The following SEH1L variants were observed in gnomAD, a reference collection of about 807,000 sequenced individuals.
SEH1L encodes the protein nucleoporin SEH1.
In SEH1L, 18 loss-of-function variants were observed where a neutral mutation model predicts 49.5. The ratio of observed to expected loss-of-function variants is 0.36; its 90% CI spans 0.25 to 0.54. SEH1L has a LOEUF of 0.54. Among genes scored for constraint, SEH1L ranks in the 20% least tolerant of loss-of-function variants. The probability of loss-of-function intolerance (pLI) is 0.87; values close to 1 mark genes in which losing one functional copy is unlikely to be tolerated. For missense variants in SEH1L, 404 were observed against 528.8 expected (o/e 0.76, Z 2.31); for synonymous variants, 169 against 178.1 (o/e 0.95, Z 0.41).
At chr18:12,954,505 C>T (rs918542377) in intron 2 of SEH1L, among the ~76,000 whole-genome samples, 4 of 152,160 alleles carry the variant, frequency 2.6e-5, no homozygotes, top group African/African-American at 7.2e-5. Flanking sequence ...CTTGCTCTGT[C>T]ACCCAGGCTG....
chr18:12,976,055 T>G (rs566549806), intron 5 of SEH1L: 1 of 166,146 alleles, frequency 6.0e-6, no homozygotes, highest in East Asian at 1.9e-4. Context: ...CTGAGATTAG[T>G]TGTCTATTGC....
intron 8 of SEH1L, 114 bp from the exon 9 acceptor site, chr18:12,986,748 T>C (rs1317203825): frequency 3.3e-6 from 4 of 1,212,918 alleles, no homozygotes; most frequent in Non-Finnish European, 4.1e-6. Context: ...TTTTCTAGCA[T>C]GTGTTTTCTC....
intron 5 of SEH1L, chr18:12,977,787 C>T (rs928171091): frequency 1.3e-5 from 2 of 152,182 alleles, no homozygotes; most frequent in Admixed American, 1.3e-4. Flanking sequence ...ATGTGTTACT[C>T]TTTTCCTAAG....
At chr18:12,980,413 C>CG (rs1358969154) in intron 6 of SEH1L, among the ~76,000 whole-genome samples, 1 of 97,092 alleles carries the variant, frequency 1.0e-5, no homozygotes, top group East Asian at 4.5e-4. Flanking sequence ...GCTGGCCGGG[C>CG]GGGGGGCTGA....
intron 1 of SEH1L, chr18:12,948,722 G>A (rs2030284783): frequency 6.5e-6 from 1 of 153,914 alleles, no homozygotes; most frequent in South Asian, 2.0e-4. Context: ...TTGTTACGCC[G>A]AGGAAGAAAA....
intron 8 of SEH1L, chr18:12,985,344 C>T (rs1367590825): frequency 9.0e-6 from 14 of 1,548,044 alleles, no homozygotes; most frequent in Non-Finnish European, 1.1e-5. Context: ...TCCCCAGCGC[C>T]GTTTGACCTC....
intron 3 of SEH1L, among the ~76,000 whole-genome samples, chr18:12,958,833 G>A (rs1467251451): frequency 6.6e-6 from 1 of 152,210 alleles, no homozygotes; most frequent in African/African-American, 2.4e-5. Flanking sequence ...AAATGTTTGA[G>A]ACCGTGCTTT....
chr18:12,948,351 C>T (rs1186248169), intron 1 of SEH1L, 119 bp downstream of exon 1: 3 of 743,688 alleles, frequency 4.0e-6, no homozygotes, highest in Admixed American at 2.2e-5. Context: ...TGTGGGGTGG[C>T]GGGCGAGCCC....
Position 12,986,979 on chromosome 18 carries a change from C to T in SEH1L, c.1188C>T (p.Ala396=), listed in dbSNP as rs754080928. 31 of 1,613,864 alleles carry T rather than the reference C, an allele frequency of 1.9e-5. No individual in the cohort carries two copies. The Middle Eastern group carries it at 4.9e-4, about 26-fold the overall frequency. The change falls in exon 9 of 9, where the codon GCC becomes GCT. Residue 396 remains alanine (A), a synonymous_variant. Coordinates refer to ENST00000399892, the MANE Select transcript of SEH1L (RefSeq NM_001013437.2). The part of the protein sequence containing the change: ...LVEHSCDADT[A]NLQYPHPRRR... ...AGCACTCTTGCGATGCTGACACTGC[C>T]AACCTCCAGTATCCTCACCCTCGCA...
chr18:12,982,919 T>C (rs2032328610), intron 7 of SEH1L: 2 of 317,582 alleles, frequency 6.3e-6, no homozygotes, highest in East Asian at 1.2e-4. Context: ...GAATATGCAA[T>C]ATCTCCAATA....
Position 12,958,064 on chromosome 18 carries a change from C to CTTTT in SEH1L, c.309+2489_309+2492dup, listed in dbSNP as rs57733399. Among the ~76,000 whole-genome samples, 18 of 62,046 alleles carry CTTTT rather than the reference C, an allele frequency of 2.9e-4. 5 individuals carry two copies. The highest frequency in any genetic ancestry group is 1.1e-3 in the East Asian group (2 of 1,826). 40.7% of individuals were successfully genotyped at this position (62,046 alleles called of 152,430 possible). The stretch of plus-strand genomic sequence containing the variant: ...TATAACATAATATTCCTCATTTTAA[C>CTTTT]TTTTTTTTTTTTTTTTTTTTTTTTT... On this transcript the variant is annotated intron_variant, in intron 3 of 8. Transcript: ENST00000399892.
intron 8 of SEH1L, chr18:12,984,898 T>C (rs1725262375): frequency 5.4e-6 from 1 of 184,684 alleles, no homozygotes; most frequent in South Asian, 1.5e-4. Flanking sequence ...ATCCTCTTGT[T>C]ATCCTATATA....
chr18:12,948,085 C>T lies in SEH1L; in HGVS notation c.-37C>T, dbSNP rs768928236. 2 of 1,534,096 alleles carry T rather than the reference C, an allele frequency of 1.3e-6. No homozygotes were observed. The highest frequency in any genetic ancestry group is 2.3e-5 in the South Asian group (2 of 88,816). On this transcript the variant is annotated 5_prime_UTR_variant, in exon 1 of 9. Transcript: ENST00000399892. Reference sequence around the variant, plus strand: ...CACGCGCCGCCGCCGCTGCCGCCGCCACTGTCCTCTTCGGAGGCGCGGGCC... The same window carrying T: ...CACGCGCCGCCGCCGCTGCCGCCGCTACTGTCCTCTTCGGAGGCGCGGGCC...
chr18:12,956,573 C>G (rs868233372), intron 3 of SEH1L, among the ~76,000 whole-genome samples: 19 of 147,384 alleles, frequency 1.3e-4, no homozygotes, highest in Middle Eastern at 3.2e-3. Context: ...AGTTTTACTT[C>G]TATGAGAGAA....
chr18:12,981,849 CATTTTTTTTTTTTTT>C, intron 6 of SEH1L, among the ~76,000 whole-genome samples: 1 of 102,526 alleles, frequency 9.8e-6, no homozygotes, highest in South Asian at 3.1e-4. Context: ...CTGCCCTGCC[CATTTTTTTTTTTTTT>C]TTTTTTTTTT....
At chr18:12,958,642 G>A (rs1476269112) in intron 3 of SEH1L, among the ~76,000 whole-genome samples, 1 of 152,102 alleles carries the variant, frequency 6.6e-6, no homozygotes, top group Non-Finnish European at 1.5e-5. Context: ...TAAGTAAAAT[G>A]TTTTCATGGT....
At chr18:12,969,556 C>T (rs759294145) in intron 4 of SEH1L, among the ~76,000 whole-genome samples, 11 of 151,774 alleles carry the variant, frequency 7.2e-5, no homozygotes, top group Non-Finnish European at 1.0e-4. Flanking sequence ...GGCGTGGTGG[C>T]GCGTGCCTGT....
chr18:12,971,902 AAGAG>A (rs2031721767), intron 5 of SEH1L: 1 of 152,280 alleles, frequency 6.6e-6, no homozygotes, highest in South Asian at 2.1e-4. Context: ...GGCCGTGAGC[AAGAG>A]AGAGGGAGTA....
rs3070220 is a variant in SEH1L, at chr18:12,962,459, C to CTTT, written c.310-677_310-675dup. Among the ~76,000 whole-genome samples the CTTT allele has an allele frequency of 3.6e-3, 231 of 63,646 alleles. 66 individuals are homozygous for CTTT. The highest frequency in any genetic ancestry group is 0.029 in the East Asian group (50 of 1,734). 41.8% of individuals were successfully genotyped at this position (63,646 alleles called of 152,430 possible). ...TTGAGAGAAGAAATTGCATGCCTTT[C>CTTT]TTTTTTTTTTTTTTTTTTTTTTTTT... On this transcript the variant is annotated intron_variant, in intron 3 of 8. Transcript: ENST00000399892.
Sources: gnomAD v4.1 joint callset for allele counts (sites outside exome capture counted in the v4.1 genomes callset) on GRCh38, gnomAD v4.1.1 for gene constraint, MANE v1.5 for transcripts, NCBI Gene and HGNC (gene_info 2026-07-23, HGNC 2026-07-21) for gene names.